SLC24A1: variants seen among roughly 807,000 people sequenced by gnomAD.
The protein encoded by SLC24A1 is solute carrier family 24 member 1.
Under a neutral mutation model 88.1 loss-of-function variants are expected in SLC24A1, and 52 were observed. That is an observed-to-expected ratio of 0.59 (90% CI 0.47 to 0.74). The LOEUF is 0.74. Ranked by LOEUF, SLC24A1 falls within the 30% of genes least tolerant of loss-of-function variation. The pLI is 0.00. For synonymous variants in SLC24A1, 455 were observed against 498.0 expected (o/e 0.91, Z 1.15); for missense variants, 1,173 against 1,363.3 (o/e 0.86, Z 2.20).
chr15:65,644,886 C>G (rs897226403), intron 5 of SLC24A1, among the ~76,000 whole-genome samples: 3 of 152,200 alleles, frequency 2.0e-5, no homozygotes, highest in Non-Finnish European at 4.4e-5. Context: ...CTCTTCTGTA[C>G]AAGGACAGTG....
intron 1 of SLC24A1, among the ~76,000 whole-genome samples, chr15:65,622,416 T>A (rs555251021): frequency 7.9e-5 from 12 of 152,304 alleles, no homozygotes; most frequent in Non-Finnish European, 1.3e-4. Flanking sequence ...GTTAGGAGGC[T>A]CATCTGCTTG....
At chr15:65,611,436 C>T in exon 1 of SLC24A1, 1 of 543,186 alleles carries the variant, frequency 1.8e-6, no homozygotes. Context: ...TTCTCGGGCT[C>T]TTTCCTTCCC....
chr15:65,628,054 G>T (rs1441942851), intron 2 of SLC24A1, among the ~76,000 whole-genome samples: 1 of 152,044 alleles, frequency 6.6e-6, no homozygotes, highest in Non-Finnish European at 1.5e-5. Flanking sequence ...TAGAACTCCT[G>T]GGCTCAAGCA....
upstream of SLC24A1, among the ~76,000 whole-genome samples, chr15:65,621,749 A>G (rs1039603149): frequency 2.6e-5 from 4 of 152,194 alleles, no homozygotes; most frequent in Admixed American, 1.3e-4. Flanking sequence ...CAAGTTTGAG[A>G]AATCTCCCCA....
chr15:65,612,933 C>A (rs1431020007), intron 2 of SLC24A1, among the ~76,000 whole-genome samples: 3 of 152,188 alleles, frequency 2.0e-5, no homozygotes, highest in African/African-American at 4.8e-5. Context: ...GGCACAGCTA[C>A]CAGGAGGACT....
rs769887689 is a variant in SLC24A1, at chr15:65,644,423, G to A, written c.2054-4G>A. The A allele has an allele frequency of 6.3e-6, 10 of 1,576,774 alleles. No individual in the cohort carries two copies. Among genetic ancestry groups the A allele is most frequent in the Middle Eastern group, 3.3e-4 (2 of 6,046 alleles). ...GTAAGATGTATGTCCTGTCTCATTTGCAGTTCGCCTTGCCAAGGAGAAGGA... is the reference window on the plus strand; with the variant it reads ...GTAAGATGTATGTCCTGTCTCATTTACAGTTCGCCTTGCCAAGGAGAAGGA... On this transcript the variant is annotated splice_polypyrimidine_tract_variant and splice_region_variant and intron_variant, in intron 4 of 9. Transcript: ENST00000261892.
downstream of SLC24A1, chr15:65,660,004 C>A: frequency 3.0e-6 from 1 of 334,088 alleles, no homozygotes; most frequent in South Asian, 7.2e-5. Context: ...GAAGAGAACC[C>A]CAGACGGTTC....
rs200135140 is a variant in SLC24A1 at position 65,625,613 on chromosome 15, C to G, written c.1533C>G (p.Thr511=). Residue 511 remains threonine, a synonymous_variant, in exon 2 of 10, where the codon ACC becomes ACG. Coordinates refer to ENST00000261892, the MANE Select transcript of SLC24A1 (RefSeq NM_004727.3). ...GAGGCTCTGCTCCTGAGCTCTTCAC[C>G]TCCCTCATCGGTGTCTTCATTTCCC... ...AAGGSAPELF[T]SLIGVFISHS... The G allele has an allele frequency of 5.0e-6, 8 of 1,614,040 alleles. No homozygotes were observed. In the Admixed American group the frequency reaches 5.0e-5, roughly 10 times the overall value.
chr15:65,657,067 T>A (rs1203836138), downstream of SLC24A1, among the ~76,000 whole-genome samples: 1 of 151,962 alleles, frequency 6.6e-6, no homozygotes, highest in East Asian at 1.9e-4. Context: ...GATAGGGTTT[T>A]GCCATGTTGC....
At chr15:65,652,391 T>C (rs2075537821) in intron 8 of SLC24A1, 2 of 409,710 alleles carry the variant, frequency 4.9e-6, no homozygotes, top group Non-Finnish European at 8.8e-6. Context: ...GCAGATCTGG[T>C]GTAGGTAACT....
upstream of SLC24A1, among the ~76,000 whole-genome samples, chr15:65,621,173 A>G (rs2141428135): frequency 6.6e-6 from 1 of 152,372 alleles, no homozygotes; most frequent in African/African-American, 2.4e-5. Context: ...TGGAGGAAAC[A>G]GGAAAGGGAG....
rs538744489 is a variant in SLC24A1 at position 65,637,026 on chromosome 15, G to A, written c.1891-1102G>A. Among the ~76,000 whole-genome samples, 35 of 151,472 alleles carry A rather than the reference G, an allele frequency of 2.3e-4. No individual in the cohort carries two copies. In the East Asian group the frequency reaches 3.7e-3, roughly 16 times the overall value. On this transcript the variant is annotated intron_variant, in intron 2 of 9. Coordinates refer to ENST00000261892, the MANE Select transcript of SLC24A1 (RefSeq NM_004727.3). The stretch of plus-strand genomic sequence containing the variant: ...AAACAGATAACTGTAAGTTCATTGC[G>A]TGGCAAAAAAAGAAAAAAAAAGGTA...
At chr15:65,617,351 T>A (rs1462309339), upstream of SLC24A1, among the ~76,000 whole-genome samples, 1 of 152,232 alleles carries the variant, frequency 6.6e-6, no homozygotes, top group African/African-American at 2.4e-5. Flanking sequence ...TGATTCTTCC[T>A]ATCCGTGAGC....
In SLC24A1 at chr15:65,624,641, G is replaced by T. The variant is rs2074438046; in HGVS notation, c.561G>T (p.Lys187Asn). The T allele has an allele frequency of 6.3e-7, 1 of 1,594,012 alleles. No homozygotes were observed. The highest frequency in any genetic ancestry group is 8.5e-7 in the Non-Finnish European group (1 of 1,170,310). The change falls in exon 2 of 10, where the codon AAG (lysine) becomes AAT (asparagine). Residue 187 changes from lysine (K) to asparagine (N), a missense_variant. Transcript: ENST00000261892. ...CAACTCAAGTGAGGGAAAAGGTGAAGTATACTCCTTCCCCACGTGGTAGAA... is the reference window on the plus strand; with the variant it reads ...CAACTCAAGTGAGGGAAAAGGTGAATTATACTCCTTCCCCACGTGGTAGAA... ...YSPTQVREKV[K>N]YTPSPRGRRV...
intron 2 of SLC24A1, among the ~76,000 whole-genome samples, chr15:65,613,912 C>T (rs1404202333): frequency 6.6e-6 from 1 of 152,116 alleles, no homozygotes; most frequent in Admixed American, 6.6e-5. Flanking sequence ...CTCATACTCC[C>T]ATGATGTCCT....
At chr15:65,626,338 G>A (rs2074516021) in intron 2 of SLC24A1, among the ~76,000 whole-genome samples, 1 of 152,210 alleles carries the variant, frequency 6.6e-6, no homozygotes, top group Admixed American at 6.5e-5. Flanking sequence ...TGACATTTGA[G>A]TTGGGCTTTG....
intron 2 of SLC24A1, among the ~76,000 whole-genome samples, chr15:65,629,321 A>G (rs2074627876): frequency 1.3e-5 from 2 of 152,214 alleles, no homozygotes; most frequent in Non-Finnish European, 2.9e-5. Flanking sequence ...ACTTAAGAAT[A>G]TTTCCAGAAA....
intron 6 of SLC24A1, among the ~76,000 whole-genome samples, chr15:65,648,660 TTTTA>T (rs2075391332): frequency 6.6e-6 from 1 of 151,638 alleles, no homozygotes; most frequent in Non-Finnish European, 1.5e-5. Context: ...CCTGGCTAAT[TTTTA>T]TTTATTTATT....
rs573828801 is a variant in SLC24A1 at position 65,634,753 on chromosome 15, A to G, written c.1891-3375A>G. ...AATCAAAAGCACCAAAAAAAAAAAAAAAAAAGAAAAAGAAAAAGAAAAACT... is the reference window on the plus strand; with the variant it reads ...AATCAAAAGCACCAAAAAAAAAAAAGAAAAAGAAAAAGAAAAAGAAAAACT... On this transcript the variant is annotated intron_variant, in intron 2 of 9. Transcript: ENST00000261892. Among the ~76,000 whole-genome samples, 46 of 149,992 alleles carry G rather than the reference A, an allele frequency of 3.1e-4. No individual in the cohort carries two copies. In the South Asian group the frequency reaches 5.7e-3, roughly 19 times the overall value.
Sources: allele counts gnomAD v4.1 joint callset (sites outside exome capture counted in the v4.1 genomes callset), GRCh38; gene constraint gnomAD v4.1.1; transcripts MANE v1.5; gene names NCBI Gene and HGNC (gene_info 2026-07-23, HGNC 2026-07-21).